METTL15: variants seen among roughly 807,000 people sequenced by gnomAD.
METTL15 encodes the protein methyltransferase 15, mitochondrial 12S rRNA N4-cytidine.
In METTL15, 34 loss-of-function variants were observed where a neutral mutation model predicts 38.3. The ratio of observed to expected loss-of-function variants is 0.89; its 90% CI spans 0.68 to 1.18. The LOEUF (loss-of-function observed/expected upper bound fraction) is 1.18. Ranked by LOEUF, METTL15 falls within the 50% of genes most tolerant of loss-of-function variation. The probability of loss-of-function intolerance (pLI) is 0.00; values close to 1 mark genes in which losing one functional copy is unlikely to be tolerated. For synonymous variants in METTL15, 162 were observed against 170.9 expected, an observed-to-expected ratio of 0.95 and a Z score of 0.41; for missense variants, 438 against 498.4, an observed-to-expected ratio of 0.88 and a Z score of 1.15.
At chr11:28,421,667 T>C (rs777316393) in intron 5 of METTL15, among the ~76,000 whole-genome samples, 1 of 151,784 alleles carries the variant, frequency 6.6e-6, no homozygotes, top group Non-Finnish European at 1.5e-5. Flanking sequence ...ATCTGCATGA[T>C]AAAAACCCTA....
Position 28,372,629 on chromosome 11 carries a change from A to G in METTL15, c.*358+10593A>G, listed in dbSNP as rs958877049. Among the ~76,000 whole-genome samples the G allele has an allele frequency of 1.4e-4, 20 of 145,592 alleles. No homozygotes were observed. The South Asian group carries it at 2.0e-3, about 14-fold the overall frequency. On this transcript the variant is annotated intron_variant and NMD_transcript_variant, in intron 5 of 7. Coordinates refer to the METTL15 transcript ENST00000532947. ...TATTCTTTTTTTTTTCCTTTTTTTT[A>G]TTATTATACTTTAAGTTTTAGGGTA... is the stretch of plus-strand genomic sequence containing the variant.
intron 4 of METTL15, among the ~76,000 whole-genome samples, chr11:28,248,699 T>C (rs1461113832): frequency 6.6e-6 from 1 of 152,048 alleles, no homozygotes; most frequent in Non-Finnish European, 1.5e-5. Flanking sequence ...TTACTTTGCT[T>C]CTTTTATATT....
rs1240045131 is a variant in METTL15 at position 28,311,484 on chromosome 11, C to G, written c.778+14553C>G. 2.6e-5 allele frequency among the ~76,000 whole-genome samples: 4 copies of G among 152,118 alleles called. No homozygotes were observed. In the East Asian group the frequency reaches 5.8e-4, roughly 22 times the overall value. ...ATTTGCTTCATTATACTTTGTCTAC[C>G]TTATGAACTGTGTGAGCTCTTCAAG... On this transcript the variant is annotated intron_variant, in intron 6 of 6. Coordinates refer to ENST00000407364, the MANE Select transcript of METTL15 (RefSeq NM_001113528.2).
chr11:28,369,218 C>A (rs886459419), intron 5 of METTL15, among the ~76,000 whole-genome samples: 68 of 151,624 alleles, frequency 4.5e-4, no homozygotes, highest in Admixed American at 7.9e-4. Context: ...AAAGAATCAG[C>A]AAACTCAAAG....
intron 5 of METTL15, among the ~76,000 whole-genome samples, chr11:28,378,823 G>A (rs993334775): frequency 7.7e-6 from 1 of 129,136 alleles, no homozygotes; most frequent in Non-Finnish European, 1.6e-5. Context: ...TAAATATTTA[G>A]TAGAATTCAG....
chr11:28,371,701 C>G (rs189100986), intron 5 of METTL15, among the ~76,000 whole-genome samples: 1 of 151,890 alleles, frequency 6.6e-6, no homozygotes, highest in Non-Finnish European at 1.5e-5. Context: ...TTTGTATAGA[C>G]CTTTCACTTC....
At chr11:28,375,633 A>C (rs1191044713) in intron 5 of METTL15, among the ~76,000 whole-genome samples, 1 of 151,856 alleles carries the variant, frequency 6.6e-6, no homozygotes, top group East Asian at 1.9e-4. Context: ...GGTTTCATTA[A>C]TTTTTTGAAG....
At chr11:28,376,821 T>C (rs1259445380) in intron 5 of METTL15, among the ~76,000 whole-genome samples, 2 of 148,990 alleles carry the variant, frequency 1.3e-5, no homozygotes, top group African/African-American at 4.9e-5. Flanking sequence ...CCATGTTTAG[T>C]GCTTCCTTCA....
chr11:28,388,689 T>C lies in METTL15; in HGVS notation c.*358+26653T>C, dbSNP rs200498717. On this transcript the variant is annotated intron_variant and NMD_transcript_variant, in intron 5 of 7. Transcript: ENST00000532947. Reference sequence around the variant, plus strand: ...AAAATCACAATGACACTTTTCTTTTTTTTTATTATACTTTAACTTTTAGGG... The same window carrying C: ...AAAATCACAATGACACTTTTCTTTTCTTTTATTATACTTTAACTTTTAGGG... Among the ~76,000 whole-genome samples the C allele has an allele frequency of 2.0e-5, 3 of 152,150 alleles. No individual in the cohort carries two copies. In the East Asian group the frequency reaches 5.8e-4, roughly 29 times the overall value.
chr11:28,530,789 TA>T (rs1485872356), downstream of METTL15, among the ~76,000 whole-genome samples: 1 of 152,046 alleles, frequency 6.6e-6, no homozygotes, highest in Non-Finnish European at 1.5e-5. Flanking sequence ...AAAGTTATTT[TA>T]AAAATAGGCC....
intron 6 of METTL15, among the ~76,000 whole-genome samples, chr11:28,325,196 T>C (rs1279415838): frequency 5.9e-5 from 9 of 152,202 alleles, no homozygotes; most frequent in African/African-American, 2.2e-4. Context: ...AACCAAGTGA[T>C]GGCCTTCCCA....
At chr11:28,425,697 G>A (rs570108498) in intron 6 of METTL15, among the ~76,000 whole-genome samples, 1 of 152,242 alleles carries the variant, frequency 6.6e-6, no homozygotes, top group Admixed American at 6.5e-5. Flanking sequence ...TACCTTTAAT[G>A]CATCGTATAT....
intron 6 of METTL15, among the ~76,000 whole-genome samples, chr11:28,502,980 C>A (rs1344274949): frequency 1.3e-5 from 2 of 152,158 alleles, no homozygotes. Context: ...GCTGTAGTAA[C>A]TCTGAAATCT....
At chr11:28,312,968 GT>G (rs377284030) in intron 6 of METTL15, among the ~76,000 whole-genome samples, 86 of 143,466 alleles carry the variant, frequency 6.0e-4, no homozygotes, top group East Asian at 1.2e-3. Context: ...CATAGGACTT[GT>G]TTTTTTTTTT....
chr11:28,238,485 C>G (rs910122741), intron 4 of METTL15, among the ~76,000 whole-genome samples: 5 of 152,150 alleles, frequency 3.3e-5, no homozygotes, highest in African/African-American at 1.2e-4. Context: ...GTGGGAATGC[C>G]CCGATTTTCC....
chr11:28,396,771 C>A (rs575665501), intron 5 of METTL15, among the ~76,000 whole-genome samples: 26 of 152,218 alleles, frequency 1.7e-4, no homozygotes, highest in African/African-American at 5.5e-4. Flanking sequence ...AAAAAAGAGC[C>A]CTCATTGCCA....
At chr11:28,424,688 G>A (rs1850849455) in intron 6 of METTL15, among the ~76,000 whole-genome samples, 1 of 152,130 alleles carries the variant, frequency 6.6e-6, no homozygotes. Context: ...TTTAGTGTTG[G>A]GAGAGAGCCA....
chr11:28,293,888 A>T (rs867662384), intron 5 of METTL15, among the ~76,000 whole-genome samples: 1 of 152,118 alleles, frequency 6.6e-6, no homozygotes. Context: ...AATGCTTGTG[A>T]TTTTTGCACA....
intron 4 of METTL15, among the ~76,000 whole-genome samples, chr11:28,265,715 T>G (rs1183277578): frequency 1.3e-5 from 2 of 152,192 alleles, no homozygotes; most frequent in East Asian, 3.8e-4. Flanking sequence ...GTGCACTGTC[T>G]TCATACAAAT....
Sources: gnomAD v4.1 joint callset for allele counts (sites outside exome capture counted in the v4.1 genomes callset) on GRCh38, gnomAD v4.1.1 for gene constraint, MANE v1.5 for transcripts, NCBI Gene and HGNC (gene_info 2026-07-23, HGNC 2026-07-21) for gene names.